The following GHR variants were observed in gnomAD, a reference collection of about 807,000 sequenced individuals.
GHR encodes GH receptor.
GHR carries 35 observed loss-of-function variants against 67.1 expected under a neutral mutation model. The observed-to-expected ratio is 0.52, with a 90% confidence interval of 0.40 to 0.69. GHR has a LOEUF of 0.69. Among genes scored for constraint, GHR ranks in the 30% least tolerant of loss-of-function variants. The probability of loss-of-function intolerance (pLI) is 0.00; values close to 1 mark genes in which losing one functional copy is unlikely to be tolerated. For missense variants in GHR, 792 were observed against 764.6 expected, an observed-to-expected ratio of 1.04 and a Z score of -0.42; for synonymous variants, 272 against 269.1, an observed-to-expected ratio of 1.01 and a Z score of -0.10.
chr5:42,500,479 G>A (rs1445043259), intron 1 of GHR, among the ~76,000 whole-genome samples: 1 of 152,188 alleles, frequency 6.6e-6, no homozygotes, highest in East Asian at 1.9e-4. Context: ...GTTGTTACGA[G>A]GATAAAATCA....
intron 2 of GHR, among the ~76,000 whole-genome samples, chr5:42,622,756 A>T (rs1753513496): frequency 6.6e-6 from 1 of 152,162 alleles, no homozygotes; most frequent in Non-Finnish European, 1.5e-5. Context: ...CAGAACATTG[A>T]TTCTCCTACT....
intron 2 of GHR, among the ~76,000 whole-genome samples, chr5:42,573,926 G>GTGC (rs1460271300): frequency 1.4e-5 from 2 of 146,320 alleles, no homozygotes; most frequent in Non-Finnish European, 3.0e-5. Flanking sequence ...GGATAACCAT[G>GTGC]TGCTATGTGT....
chr5:42,550,766 G>A (rs1222425763), intron 1 of GHR, among the ~76,000 whole-genome samples: 1 of 152,156 alleles, frequency 6.6e-6, no homozygotes. Context: ...TCTGCCACCT[G>A]ACAAAGGGGC....
chr5:42,430,505 A>C (rs1743045247), intron 1 of GHR, among the ~76,000 whole-genome samples: 1 of 152,062 alleles, frequency 6.6e-6, no homozygotes, highest in Non-Finnish European at 1.5e-5. Flanking sequence ...TGTGATATAA[A>C]CTGACATCTG....
At chr5:42,712,598 A>C (rs1758516877) in intron 7 of GHR, among the ~76,000 whole-genome samples, 1 of 152,144 alleles carries the variant, frequency 6.6e-6, no homozygotes, top group East Asian at 1.9e-4. Flanking sequence ...TTCAGCATAA[A>C]GACCTACATT....
At chr5:42,611,562 G>A (rs988639395) in intron 2 of GHR, among the ~76,000 whole-genome samples, 1 of 152,142 alleles carries the variant, frequency 6.6e-6, no homozygotes, top group Non-Finnish European at 1.5e-5. Context: ...AACGCACATG[G>A]TTTCTGTCTT....
At chr5:42,609,637 T>G (rs570460134) in intron 2 of GHR, among the ~76,000 whole-genome samples, 1 of 152,140 alleles carries the variant, frequency 6.6e-6, no homozygotes, top group African/African-American at 2.4e-5. Context: ...GTGTCCTCAT[T>G]GATTTCATAG....
intron 2 of GHR, among the ~76,000 whole-genome samples, chr5:42,603,360 C>T (rs565690306): frequency 6.6e-5 from 10 of 152,144 alleles, no homozygotes; most frequent in East Asian, 1.9e-4. Flanking sequence ...TACTTGGTGT[C>T]GTTTGGGCTT....
chr5:42,708,342 A>G (rs1304356522), intron 6 of GHR, among the ~76,000 whole-genome samples: 1 of 152,210 alleles, frequency 6.6e-6, no homozygotes, highest in Non-Finnish European at 1.5e-5. Flanking sequence ...ATAAAAATAC[A>G]GTCATCTTCC....
intron 3 of GHR, among the ~76,000 whole-genome samples, chr5:42,660,021 G>A (rs1363011529): frequency 6.6e-6 from 1 of 152,222 alleles, no homozygotes; most frequent in African/African-American, 2.4e-5. Context: ...ACAGCAGTCT[G>A]AGATCAAACT....
intron 1 of GHR, among the ~76,000 whole-genome samples, chr5:42,437,112 A>G (rs971380753): frequency 3.9e-5 from 6 of 152,236 alleles, no homozygotes; most frequent in Non-Finnish European, 7.3e-5. Context: ...AGATATGAGG[A>G]GGCAATCATG....
chr5:42,652,912 G>A (rs940990347), intron 3 of GHR, among the ~76,000 whole-genome samples: 7 of 151,976 alleles, frequency 4.6e-5, no homozygotes, highest in African/African-American at 2.4e-5. Context: ...TCCTCCTGAT[G>A]TAGAAATCTT....
intron 2 of GHR, among the ~76,000 whole-genome samples, chr5:42,590,034 T>A (rs1561148695): frequency 6.6e-6 from 1 of 152,214 alleles, no homozygotes; most frequent in Non-Finnish European, 1.5e-5. Flanking sequence ...ATTTCATTCA[T>A]TCCTCCATAA....
intron 1 of GHR, among the ~76,000 whole-genome samples, chr5:42,532,527 C>T (rs761486730): frequency 6.6e-6 from 1 of 152,080 alleles, no homozygotes; most frequent in Non-Finnish European, 1.5e-5. Flanking sequence ...TGAAGGCCCC[C>T]GTTTTACCTT....
intron 1 of GHR, among the ~76,000 whole-genome samples, chr5:42,557,495 T>C: frequency 6.6e-6 from 1 of 152,236 alleles, no homozygotes; most frequent in East Asian, 1.9e-4. Flanking sequence ...ACTAACCCTT[T>C]TGGATACATG....
intron 1 of GHR, among the ~76,000 whole-genome samples, chr5:42,447,055 A>C (rs1195263944): frequency 6.6e-6 from 1 of 152,198 alleles, no homozygotes; most frequent in Non-Finnish European, 1.5e-5. Flanking sequence ...ACATAATGAA[A>C]TTGGTTCTTG....
At chr5:42,445,023 A>G (rs1020777957) in intron 1 of GHR, among the ~76,000 whole-genome samples, 4 of 152,222 alleles carry the variant, frequency 2.6e-5, no homozygotes, top group African/African-American at 9.6e-5. Flanking sequence ...AGTCCTCTGT[A>G]AACACTTGTT....
chr5:42,589,329 C>T (rs546484800), intron 2 of GHR, among the ~76,000 whole-genome samples: 78 of 152,268 alleles, frequency 5.1e-4, no homozygotes, highest in Admixed American at 1.6e-3. Flanking sequence ...TTATCGTTAG[C>T]TTTGAAAATA....
intron 2 of GHR, among the ~76,000 whole-genome samples, chr5:42,590,492 A>C (rs1751717624): frequency 6.6e-6 from 1 of 152,154 alleles, no homozygotes; most frequent in Non-Finnish European, 1.5e-5. Context: ...GCAGCATGAG[A>C]GAGATGGGAA....
Sources: gnomAD v4.1 joint callset for allele counts (sites outside exome capture counted in the v4.1 genomes callset) on GRCh38, gnomAD v4.1.1 for gene constraint, MANE v1.5 for transcripts, NCBI Gene and HGNC (gene_info 2026-07-23, HGNC 2026-07-21) for gene names.